AHCY: variants seen among roughly 807,000 people sequenced by gnomAD.
AHCY encodes S-adenosyl-L-homocysteine hydrolase.
In AHCY, 24 loss-of-function variants were observed where a neutral mutation model predicts 45.4. That is an observed-to-expected ratio of 0.53 (90% confidence interval 0.38 to 0.74). AHCY has a LOEUF of 0.74. Among genes scored for constraint, AHCY ranks in the 30% least tolerant of loss-of-function variants. The probability of loss-of-function intolerance (pLI) is 0.00; values close to 1 mark genes in which losing one functional copy is unlikely to be tolerated. For missense variants in AHCY, 449 were observed against 594.1 expected (o/e 0.76, Z 2.54); for synonymous variants, 245 against 235.1 (o/e 1.04, Z -0.39).
At chr20:34,259,718 C>T in the AHCY span, among the ~76,000 whole-genome samples, 1 of 151,738 alleles carries the variant, frequency 6.6e-6, no homozygotes, top group African/African-American at 2.4e-5. Flanking sequence ...CCACTGCACT[C>T]TAGCCTGGGC....
chr20:34,292,347 G>T lies in AHCY; in HGVS notation c.445+11C>A, dbSNP rs375253690. ...CACCAGCACCCAGCCCACCTGCCCCGCCCTGCTCACCTGGCAGAAGCTGCG... is the reference window on the plus strand; with the variant it reads ...CACCAGCACCCAGCCCACCTGCCCCTCCCTGCTCACCTGGCAGAAGCTGCG... On this transcript the variant is annotated intron_variant, in intron 4 of 9. Coordinates refer to ENST00000217426, the MANE Select transcript of AHCY (RefSeq NM_000687.4). 14 of 1,612,070 alleles carry T rather than the reference G, an allele frequency of 8.7e-6. No individual in the cohort carries two copies. In the East Asian group the frequency reaches 2.9e-4, roughly 33 times the overall value.
chr20:34,272,053 A>AG, the AHCY span, among the ~76,000 whole-genome samples: 1 of 151,662 alleles, frequency 6.6e-6, no homozygotes, highest in Non-Finnish European at 1.5e-5. Flanking sequence ...CTCCAAAAAA[A>AG]AAAAAATAGC....
At chr20:34,242,160 T>C in the AHCY span, among the ~76,000 whole-genome samples, 37 of 152,084 alleles carry the variant, frequency 2.4e-4, 1 homozygote, top group Admixed American at 2.4e-3. Flanking sequence ...TGGGATGGCA[T>C]AGTGAAGTCA....
At chr20:34,258,873 C>CTATATATATAGTATTATATATATAGTGTA in the AHCY span, among the ~76,000 whole-genome samples, 7 of 99,700 alleles carry the variant, frequency 7.0e-5, no homozygotes, top group African/African-American at 3.9e-4. Context: ...ATATATAATA[C>CTATATATATAGTATTATATATATAGTGTA]TATATATATA....
chr20:34,245,549 G>C, the AHCY span, among the ~76,000 whole-genome samples: 1 of 151,282 alleles, frequency 6.6e-6, no homozygotes, highest in Non-Finnish European at 1.5e-5. Flanking sequence ...CACCATGCCT[G>C]GCTAAATTTT....
At chr20:34,298,609 A>T (rs819153) in intron 1 of AHCY, among the ~76,000 whole-genome samples, 5 of 83,158 alleles carry the variant, frequency 6.0e-5, no homozygotes, top group South Asian at 6.5e-4. Flanking sequence ...CGGCGGCGGG[A>T]GGGGGGGGGG....
downstream of AHCY, among the ~76,000 whole-genome samples, chr20:34,279,211 G>A (rs1464659430): frequency 6.7e-6 from 1 of 149,874 alleles, no homozygotes; most frequent in Non-Finnish European, 1.5e-5. Flanking sequence ...TCAGGAGATC[G>A]AGACCATCCT....
chr20:34,309,697 C>T (rs889539524), intron 1 of AHCY, among the ~76,000 whole-genome samples: 6 of 152,112 alleles, frequency 3.9e-5, no homozygotes, highest in African/African-American at 1.4e-4. Flanking sequence ...AGGAGAATCG[C>T]TTGAACCCAG....
At position 34,281,130 on chromosome 20, in the gene AHCY, C is replaced by T; in HGVS notation, c.1203G>A (p.Lys401=). ...DEAVAEAHLG[K]LNVKLTKLTE... ...TTAGCTTGGTCAACTTCACATTCAGCTTGCCCAGGTGGGCTTCAGCCACTG... is the reference window on the plus strand; with the variant it reads ...TTAGCTTGGTCAACTTCACATTCAGTTTGCCCAGGTGGGCTTCAGCCACTG... Residue 401 remains lysine (K), a synonymous_variant, in exon 10 of 10, where the codon AAG becomes AAA. Coordinates refer to ENST00000217426, the MANE Select transcript of AHCY (RefSeq NM_000687.4). The T allele has an allele frequency of 6.2e-7, 1 of 1,613,898 alleles. No individual in the cohort carries two copies. The highest frequency in any genetic ancestry group is 8.5e-7 in the Non-Finnish European group (1 of 1,180,050).
chr20:34,245,540 A>G, the AHCY span, among the ~76,000 whole-genome samples: 1 of 151,164 alleles, frequency 6.6e-6, no homozygotes, highest in Non-Finnish European at 1.5e-5. Context: ...GGTGTGCGCC[A>G]CCATGCCTGG....
At chr20:34,257,943 A>T in the AHCY span, among the ~76,000 whole-genome samples, 1 of 152,310 alleles carries the variant, frequency 6.6e-6, no homozygotes, top group Admixed American at 6.5e-5. Context: ...CAGGAGTTTG[A>T]GATCAGCTTG....
At chr20:34,257,130 C>A in the AHCY span, among the ~76,000 whole-genome samples, 2 of 148,418 alleles carry the variant, frequency 1.3e-5, no homozygotes, top group East Asian at 3.9e-4. Flanking sequence ...TTCACCCAGG[C>A]TGGAGTGAAG....
the AHCY span, chr20:34,260,441 C>T: frequency 6.2e-7 from 1 of 1,614,166 alleles, no homozygotes; most frequent in Admixed American, 1.7e-5. Flanking sequence ...TGCCAACAGC[C>T]ACCTGCCACC....
intron 9 of AHCY, among the ~76,000 whole-genome samples, chr20:34,283,549 A>C (rs2036072743): frequency 6.6e-6 from 1 of 152,190 alleles, no homozygotes; most frequent in Non-Finnish European, 1.5e-5. Context: ...AAAAGTGGTA[A>C]GGACAGGGTC....
the AHCY span, among the ~76,000 whole-genome samples, chr20:34,235,866 AAAGGAAGG>A: frequency 0.072 from 2,610 of 36,494 alleles, 310 homozygotes; most frequent in Admixed American, 0.21. Context: ...GGAAGGAAGG[AAAGGAAGG>A]AAGGAAGGAA....
At chr20:34,275,711 C>T (rs1229296160), downstream of AHCY, among the ~76,000 whole-genome samples, 1 of 148,284 alleles carries the variant, frequency 6.7e-6, no homozygotes, top group African/African-American at 2.6e-5. Context: ...TGAGCCCTTG[C>T]TCTGTCCCCC....
the AHCY span, among the ~76,000 whole-genome samples, chr20:34,235,363 C>T: frequency 3.3e-5 from 5 of 152,094 alleles, no homozygotes; most frequent in East Asian, 1.9e-4. Flanking sequence ...TCGCTTGAAG[C>T]GGGGAGGCGG....
intron 8 of AHCY, chr20:34,286,539 T>C (rs1395030676): frequency 6.6e-6 from 1 of 151,952 alleles, no homozygotes; most frequent in Non-Finnish European, 1.5e-5. Flanking sequence ...CTTTAAAAAA[T>C]GAGGATACCC....
intron 8 of AHCY, among the ~76,000 whole-genome samples, chr20:34,286,834 CAAAAAAAAAAAA>C (rs71194603): frequency 1.1e-4 from 6 of 53,734 alleles, no homozygotes; most frequent in Admixed American, 9.7e-4. Flanking sequence ...AACTCCGTCT[CAAAAAAAAAAAA>C]AAAAAAAAAA....
Sources: allele counts gnomAD v4.1 joint callset (sites outside exome capture counted in the v4.1 genomes callset), GRCh38; gene constraint gnomAD v4.1.1; transcripts MANE v1.5; gene names NCBI Gene and HGNC (gene_info 2026-07-23, HGNC 2026-07-21).